The following FBLN5 variants were observed in gnomAD, a reference collection of about 807,000 sequenced individuals.
FBLN5 encodes the protein fibulin 5.
A neutral mutation model predicts 61.6 loss-of-function variants in FBLN5; 24 were observed. The ratio of observed to expected loss-of-function variants is 0.39; its 90% CI spans 0.28 to 0.55. The LOEUF (loss-of-function observed/expected upper bound fraction) is 0.55. FBLN5 is among the 20% of genes least tolerant of loss of function. FBLN5 has a pLI of 0.65. For missense variants in FBLN5, 470 were observed against 594.1 expected (o/e 0.79, Z 2.17); for synonymous variants, 213 against 219.8 (o/e 0.97, Z 0.27).
intron 4 of FBLN5, among the ~76,000 whole-genome samples, chr14:91,918,087 G>A (rs1891271839): frequency 6.6e-6 from 1 of 152,156 alleles, no homozygotes; most frequent in East Asian, 1.9e-4. Context: ...TCTAGAATAA[G>A]GTAAAGGTGG....
At chr14:91,903,257 CCTTT>C (rs1207349764) in intron 4 of FBLN5, among the ~76,000 whole-genome samples, 10 of 152,212 alleles carry the variant, frequency 6.6e-5, no homozygotes, top group East Asian at 5.8e-4. Context: ...ACGGACAGAG[CCTTT>C]CTTTAACTCC....
chr14:91,918,667 G>T (rs1331074288), intron 4 of FBLN5, among the ~76,000 whole-genome samples: 2 of 152,158 alleles, frequency 1.3e-5, no homozygotes, highest in African/African-American at 4.8e-5. Context: ...TCTAAGGAAA[G>T]GCATGTTGCT....
intron 9 of FBLN5, 49 bp downstream of exon 9, chr14:91,881,243 G>A (rs370831264): frequency 1.9e-5 from 30 of 1,611,364 alleles, no homozygotes; most frequent in African/African-American, 2.7e-5. Flanking sequence ...AACCTCCTGA[G>A]CCAGGCCCTC....
chr14:91,912,060 AAC>A (rs1363018445), intron 4 of FBLN5, among the ~76,000 whole-genome samples: 4 of 143,918 alleles, frequency 2.8e-5, no homozygotes, highest in African/African-American at 1.2e-4. Flanking sequence ...TTAATGCACA[AAC>A]ATTGTTATAA....
intron 1 of FBLN5, among the ~76,000 whole-genome samples, chr14:91,944,149 GT>G (rs1323279904): frequency 6.6e-6 from 1 of 152,142 alleles, no homozygotes; most frequent in Non-Finnish European, 1.5e-5. Flanking sequence ...GGCCAACATG[GT>G]GAAACCTTGT....
At chr14:91,923,577 C>T (rs2055777157) in intron 4 of FBLN5, among the ~76,000 whole-genome samples, 1 of 152,236 alleles carries the variant, frequency 6.6e-6, no homozygotes, top group Non-Finnish European at 1.5e-5. Flanking sequence ...ACATGGAAAT[C>T]CTATTCAATC....
Position 91,931,655 on chromosome 14 carries a change from G to A in FBLN5, c.379+5292C>T, listed in dbSNP as rs113575852. Among the ~76,000 whole-genome samples the A allele has an allele frequency of 6.6e-3, 1,000 of 152,278 alleles. 9 individuals carry two copies. The highest frequency in any genetic ancestry group is 0.022 in the African/African-American group (917 of 41,550). On this transcript the variant is annotated intron_variant, in intron 4 of 10. Coordinates refer to ENST00000342058, the MANE Select transcript of FBLN5 (RefSeq NM_006329.4). ...CTAGTAAAAGGCTGCTTTCTCAGCC[G>A]CAAAATATTTCACAAACATGAGTTA...
In FBLN5 at chr14:91,947,109, T is replaced by C. The variant is rs1434397283; in HGVS notation, c.17+104A>G. ...TCACTAGCTCATGCCTTTTCCAATA[T>C]CCTGACACCGCCTGAATCGCAGCCA... On this transcript the variant is annotated intron_variant, in intron 1 of 10. Coordinates refer to ENST00000342058, the MANE Select transcript of FBLN5 (RefSeq NM_006329.4). The surrounding 1 kb of genome is among the most constrained non-coding windows in gnomAD (Gnocchi z 4.3). 12 of 1,576,224 alleles carry C rather than the reference T, an allele frequency of 7.6e-6. No homozygotes were observed. Among genetic ancestry groups the C allele is most frequent in the Non-Finnish European group, 1.0e-5 (12 of 1,152,582 alleles).
chr14:91,903,610 A>G (rs1343272740), intron 4 of FBLN5, among the ~76,000 whole-genome samples: 5 of 151,948 alleles, frequency 3.3e-5, no homozygotes, highest in African/African-American at 1.2e-4. Context: ...GACCTGTATC[A>G]TAGTCTGTGA....
intron 4 of FBLN5, among the ~76,000 whole-genome samples, chr14:91,910,442 G>A (rs1436227374): frequency 6.6e-6 from 1 of 152,184 alleles, no homozygotes; most frequent in Non-Finnish European, 1.5e-5. Context: ...AAGTTCTGCG[G>A]CACAACAATG....
At chr14:91,871,130 AC>A (rs1888904673) in intron 10 of FBLN5, among the ~76,000 whole-genome samples, 1 of 151,912 alleles carries the variant, frequency 6.6e-6, no homozygotes. Context: ...TATACAACCA[AC>A]ATGCACATGT....
chr14:91,894,407 A>AC (rs1890123816), intron 5 of FBLN5, among the ~76,000 whole-genome samples: 2 of 145,972 alleles, frequency 1.4e-5, no homozygotes, highest in African/African-American at 2.5e-5. Context: ...CATATCAAAA[A>AC]AAAAAAAAAA....
rs143928468 is a variant in FBLN5, at chr14:91,937,199, T to C, written c.127A>G (p.Ile43Val). The change falls in exon 4 of 11, where the codon ATT (isoleucine) becomes GTT (valine). Residue 43 changes from isoleucine to valine, a missense_variant and splice_region_variant. By Grantham distance (29) the Ile-to-Val change is conservative. Transcript: ENST00000342058. ...LDRQSGQCLDIDECRTIPEAC... is the reference protein window; with the variant it reads ...LDRQSGQCLDVDECRTIPEAC... ...TCGGGGATGGTTCGGCATTCATCAA[T>C]ATCTGAAAGGCACAGAAAGGGCGAG... is the stretch of plus-strand genomic sequence containing the variant. 5.9e-5 allele frequency: 96 copies of C among 1,614,010 alleles called. No individual in the cohort carries two copies. The African/African-American group carries it at 1.2e-3, about 21-fold the overall frequency.
chr14:91,894,070 A>C (rs535161686), intron 5 of FBLN5, among the ~76,000 whole-genome samples: 90 of 152,270 alleles, frequency 5.9e-4, no homozygotes, highest in African/African-American at 2.2e-3. Flanking sequence ...GTAAAATCAA[A>C]CTTAAAAAAT....
chr14:91,923,167 C>T (rs1469343975), intron 4 of FBLN5, among the ~76,000 whole-genome samples: 1 of 152,164 alleles, frequency 6.6e-6, no homozygotes, highest in Non-Finnish European at 1.5e-5. Flanking sequence ...CAGATGTGAA[C>T]TGAAGCCCCA....
chr14:91,897,715 G>A (rs935566269), intron 4 of FBLN5, among the ~76,000 whole-genome samples: 5 of 152,174 alleles, frequency 3.3e-5, no homozygotes, highest in African/African-American at 1.2e-4. Context: ...AATCCTTGAA[G>A]TTCACTCTTT....
intron 4 of FBLN5, among the ~76,000 whole-genome samples, chr14:91,915,414 G>A (rs949308956): frequency 4.6e-5 from 7 of 151,790 alleles, no homozygotes; most frequent in African/African-American, 9.7e-5. Flanking sequence ...GGCCAAGCAC[G>A]GTGGCTCACG....
chr14:91,870,198 C>A lies in FBLN5; in HGVS notation c.*26G>T. Reference sequence around the variant, plus strand: ...CCTGTCCCTTGGTGCCAATGAGAGGCAGCGTCGGAGGCTCCAGCCCGAGGC... The same window carrying A: ...CCTGTCCCTTGGTGCCAATGAGAGGAAGCGTCGGAGGCTCCAGCCCGAGGC... On this transcript the variant is annotated 3_prime_UTR_variant, in exon 11 of 11. Transcript: ENST00000342058. 1.2e-6 allele frequency: 2 copies of A among 1,610,510 alleles called. No individual in the cohort carries two copies. The highest frequency in any genetic ancestry group is 1.7e-6 in the Non-Finnish European group (2 of 1,176,706).
intron 10 of FBLN5, among the ~76,000 whole-genome samples, chr14:91,872,737 AT>A (rs2139941651): frequency 6.6e-6 from 1 of 152,236 alleles, no homozygotes; most frequent in South Asian, 2.1e-4. Flanking sequence ...CCTCACGCAG[AT>A]TTCTTGGACT....
Sources: gnomAD v4.1 joint callset for allele counts (sites outside exome capture counted in the v4.1 genomes callset) on GRCh38, gnomAD v4.1.1 for gene constraint, Gnocchi (gnomAD v3.1) non-coding constraint, MANE v1.5 for transcripts, NCBI Gene and HGNC (gene_info 2026-07-23, HGNC 2026-07-21) for gene names.